The following SASH1 variants were observed in gnomAD, a reference collection of about 807,000 sequenced individuals.
SASH1 encodes SAM and SH3 domain containing 1.
Under a neutral mutation model 125.2 loss-of-function variants are expected in SASH1, and 44 were observed. The observed-to-expected ratio is 0.35, with a 90% CI of 0.28 to 0.45. The LOEUF is 0.45. Among genes scored for constraint, SASH1 ranks in the 20% least tolerant of loss-of-function variants. The pLI, the probability that SASH1 is intolerant of heterozygous loss-of-function variation, is 1.00. For missense variants in SASH1, 1,426 were observed against 1,614.5 expected (o/e 0.88, Z 2.00); for synonymous variants, 639 against 649.1 (o/e 0.98, Z 0.24).
At position 148,550,732 on chromosome 6, in the gene SASH1, T is replaced by C. The variant is rs1782836061; in HGVS notation, c.*2174T>C. 1 of 152,236 alleles carries C rather than the reference T, an allele frequency of 6.6e-6. No homozygotes were observed. The allele number at this position is 152,236 out of a possible 1,614,324, so 9.4% of individuals were successfully genotyped here. A position where few individuals can be genotyped will look rare whatever the true frequency, so the allele number is the denominator to read the frequency against. On this transcript the variant is annotated 3_prime_UTR_variant, in exon 20 of 20. Coordinates refer to ENST00000367467, the MANE Select transcript of SASH1 (RefSeq NM_015278.5). ...GTTCAATGCATTTCACGTGCTGTGGTGGATGTGGGTGCTGTAGACAGGCTT... is the reference window on the plus strand; with the variant it reads ...GTTCAATGCATTTCACGTGCTGTGGCGGATGTGGGTGCTGTAGACAGGCTT...
chr6:148,358,227 A>G (rs1782022839), intron 1 of SASH1, among the ~76,000 whole-genome samples: 1 of 152,146 alleles, frequency 6.6e-6, no homozygotes, highest in Non-Finnish European at 1.5e-5. Context: ...TCAAGTCTTG[A>G]TGTATAAAGA....
the SASH1 span, among the ~76,000 whole-genome samples, chr6:148,200,976 A>G: frequency 2.8e-4 from 43 of 152,288 alleles, no homozygotes; most frequent in East Asian, 7.7e-3. Flanking sequence ...TGACAAGATC[A>G]CTTCCTCTCC....
At position 148,446,398 on chromosome 6, in the gene SASH1, G is replaced by A. The variant is rs1313152995; in HGVS notation, c.386+5991G>A. ...GCTGGGATGACAGGCGTGAGCCACC[G>A]TGCCTGGCCAGGGTTCTTTTCTTAA... On this transcript the variant is annotated intron_variant, in intron 4 of 19. Transcript: ENST00000367467. Among the ~76,000 whole-genome samples, 5 of 152,244 alleles carry A rather than the reference G, an allele frequency of 3.3e-5. No individual in the cohort carries two copies. In the South Asian group the frequency reaches 6.2e-4, roughly 19 times the overall value.
rs1782872006 is a variant in SASH1 at position 148,551,417 on chromosome 6, G to A, written c.*2859G>A. 6.6e-6 allele frequency: 1 copy of A among 152,576 alleles called. No homozygotes were observed. Among genetic ancestry groups the A allele is most frequent in the African/African-American group, 2.4e-5 (1 of 41,436 alleles). 9.5% of individuals were successfully genotyped at this position (152,576 alleles called of 1,614,324 possible). On this transcript the variant is annotated 3_prime_UTR_variant, in exon 20 of 20. Transcript: ENST00000367467. The stretch of plus-strand genomic sequence containing the variant: ...CATTGTGTATGATTTTCACTTCAAA[G>A]CTGTCTGGAAGGAAATGCAGTCAGC...
intron 1 of SASH1, among the ~76,000 whole-genome samples, chr6:148,316,652 T>C (rs925695170): frequency 2.0e-5 from 3 of 152,256 alleles, no homozygotes; most frequent in Admixed American, 2.0e-4. Context: ...GTTAGACATT[T>C]TGTTTTATAC....
At chr6:148,365,545 A>G (rs1782415527) in intron 1 of SASH1, among the ~76,000 whole-genome samples, 1 of 152,090 alleles carries the variant, frequency 6.6e-6, no homozygotes, top group South Asian at 2.1e-4. Flanking sequence ...CCTCATGACC[A>G]TATTTCCCTT....
Position 148,303,201 on chromosome 6 carries a change from A to C in SASH1, n.74+30824A>C, listed in dbSNP as rs1183217745. Among the ~76,000 whole-genome samples, 4 of 151,996 alleles carry C rather than the reference A, an allele frequency of 2.6e-5. No homozygotes were observed. In the East Asian group the frequency reaches 7.8e-4, roughly 30 times the overall value. On this transcript the variant is annotated intron_variant and non_coding_transcript_variant, in intron 1 of 3. Transcript: ENST00000367469. ...CACCATGTTGGTCAGGCTGGTCTCAAACTCCTGACCTCAGGTGATCCACCC... is the reference window on the plus strand; with the variant it reads ...CACCATGTTGGTCAGGCTGGTCTCACACTCCTGACCTCAGGTGATCCACCC...
chr6:148,194,013 A>AT, the SASH1 span, among the ~76,000 whole-genome samples: 3 of 152,122 alleles, frequency 2.0e-5, no homozygotes, highest in East Asian at 5.8e-4. Flanking sequence ...CTCTTTTAAG[A>AT]TTTTCTCTAA....
rs953471870 is a variant in SASH1, at chr6:148,548,644, C to T, written c.*86C>T. On this transcript the variant is annotated 3_prime_UTR_variant, in exon 20 of 20. Coordinates refer to ENST00000367467, the MANE Select transcript of SASH1 (RefSeq NM_015278.5). ...ATGCAATTCCTCCATCATCTCTGGA[C>T]GTGCAGACCAGATCCAGAAGAAAGG... 11 of 1,443,816 alleles carry T rather than the reference C, an allele frequency of 7.6e-6. No homozygotes were observed. Among genetic ancestry groups the T allele is most frequent in the African/African-American group, 4.3e-5 (3 of 70,318 alleles). The allele number at this position is 1,443,816 out of a possible 1,614,324, so 89.4% of individuals were successfully genotyped here. A position where few individuals can be genotyped will look rare whatever the true frequency, so the allele number is the denominator to read the frequency against.
chr6:148,396,270 G>A (rs889961311), intron 2 of SASH1, among the ~76,000 whole-genome samples: 4 of 152,024 alleles, frequency 2.6e-5, no homozygotes. Context: ...CTTGAGGTCA[G>A]GAGTTCAAGA....
At chr6:148,449,154 C>CCACCCAT (rs1776967947) in intron 4 of SASH1, among the ~76,000 whole-genome samples, 1 of 145,282 alleles carries the variant, frequency 6.9e-6, no homozygotes, top group Admixed American at 7.1e-5. Flanking sequence ...ACTGCAACCT[C>CCACCCAT]TGCCTTCTGG....
chr6:148,302,843 T>TACAC (rs1039126058), intron 1 of SASH1, among the ~76,000 whole-genome samples: 1 of 138,096 alleles, frequency 7.2e-6, no homozygotes, highest in Non-Finnish European at 1.6e-5. Context: ...TATATATATA[T>TACAC]ACACACACAC....
the SASH1 span, among the ~76,000 whole-genome samples, chr6:148,250,782 C>T: frequency 5.3e-5 from 8 of 151,992 alleles, no homozygotes; most frequent in East Asian, 1.9e-4. Flanking sequence ...GCTGGGTGGA[C>T]GAATTGTTAA....
chr6:148,316,250 C>T (rs1240461320), intron 1 of SASH1, among the ~76,000 whole-genome samples: 2 of 152,040 alleles, frequency 1.3e-5, no homozygotes, highest in East Asian at 3.8e-4. Flanking sequence ...CACGTTCTTC[C>T]CTCTGTTTCT....
At chr6:148,510,935 G>A in intron 8 of SASH1, among the ~76,000 whole-genome samples, 1 of 149,276 alleles carries the variant, frequency 6.7e-6, no homozygotes, top group Admixed American at 6.7e-5. Flanking sequence ...CGCAGAGGTT[G>A]CAGTGAGCTG....
intron 8 of SASH1, chr6:148,513,801 T>G (rs1780283467): frequency 1.0e-6 from 1 of 986,172 alleles, no homozygotes; most frequent in South Asian, 4.7e-5. Context: ...TCTTAGCCAA[T>G]GGGATGGAAG....
intron 1 of SASH1, among the ~76,000 whole-genome samples, chr6:148,316,017 A>T (rs1780471670): frequency 6.6e-6 from 1 of 152,214 alleles, no homozygotes; most frequent in African/African-American, 2.4e-5. Context: ...CAGCCTTGAG[A>T]TACAGTCCTC....
At chr6:148,393,672 T>C (rs547467656) in intron 2 of SASH1, 2 of 983,630 alleles carry the variant, frequency 2.0e-6, no homozygotes, top group Non-Finnish European at 2.4e-6. Context: ...CAGATGGGGC[T>C]AATTTGGCGT....
chr6:148,471,408 T>TAA lies in SASH1; in HGVS notation c.428-9_428-8insAA. On this transcript the variant is annotated splice_polypyrimidine_tract_variant and intron_variant, in intron 5 of 19. Coordinates refer to ENST00000367467, the MANE Select transcript of SASH1 (RefSeq NM_015278.5). The stretch of plus-strand genomic sequence containing the variant: ...GTTCTTTTTTTTTTTTTTTTTTTTT[T>TAA]TTTTTAAGGAAAAGGAGACTGGAAG... 1 of 1,351,178 alleles carries TAA rather than the reference T, an allele frequency of 7.4e-7. No individual in the cohort carries two copies. Among genetic ancestry groups the TAA allele is most frequent in the Non-Finnish European group, 1.0e-6 (1 of 1,000,772 alleles). 83.7% of individuals were successfully genotyped at this position (1,351,178 alleles called of 1,614,324 possible).
Sources: gnomAD v4.1 joint callset for allele counts (sites outside exome capture counted in the v4.1 genomes callset) on GRCh38, gnomAD v4.1.1 for gene constraint, MANE v1.5 for transcripts, NCBI Gene and HGNC (gene_info 2026-07-23, HGNC 2026-07-21) for gene names.